ZSCAN29: variants seen among roughly 807,000 people sequenced by gnomAD.
ZSCAN29 encodes the protein zinc finger and SCAN domain containing 29.
ZSCAN29 carries 55 observed loss-of-function variants against 71.9 expected under a neutral mutation model. The ratio of observed to expected loss-of-function variants is 0.76; its 90% confidence interval spans 0.62 to 0.96. The LOEUF (loss-of-function observed/expected upper bound fraction) is 0.96, where lower values mean the gene tolerates loss of function less well. Among genes scored for constraint, ZSCAN29 ranks in the 40% least tolerant of loss-of-function variants. The probability of loss-of-function intolerance (pLI) is 0.00; values close to 1 mark genes in which losing one functional copy is unlikely to be tolerated. For synonymous variants in ZSCAN29, 351 were observed against 371.6 expected (o/e 0.94, Z 0.64); for missense variants, 1,042 against 1,042.2 (o/e 1.00, Z 0.00).
In ZSCAN29 at chr15:43,363,972, C is replaced by T; in HGVS notation, c.1633G>A (p.Glu545Lys). 6.2e-7 allele frequency: 1 copy of T among 1,614,146 alleles called. No homozygotes were observed. The highest frequency in any genetic ancestry group is 1.1e-5 in the South Asian group (1 of 91,074). ...GTTATGACAGCCCCTGGGGGTATCT[C>T]AGTATCCTCTTCATCATCATCAGAA... ...EDSDDDEEDT[E>K]IPPGAVITRA... is the part of the protein sequence containing the mutation. The change falls in exon 5 of 6, where the codon GAG becomes AAG. Residue 545 changes from glutamate (E) to lysine (K), a missense_variant. Transcript: ENST00000684362.
chr15:43,362,283 G>A (rs1001898643), intron 5 of ZSCAN29, among the ~76,000 whole-genome samples: 4 of 151,966 alleles, frequency 2.6e-5, no homozygotes, highest in East Asian at 3.9e-4. Flanking sequence ...TTTCTAATAC[G>A]TATTTTTGCC....
chr15:43,361,909 A>C lies in ZSCAN29; in HGVS notation c.1723T>G (p.Ser575Ala). The part of the protein sequence containing the change: ...FEAGFENEDN[S>A]KRDISEEVQL... Reference sequence around the variant, plus strand: ...ACTTCCTCAGAAATATCCCGTTTTGAATTATCTTCATTCTCAAATCCAGCT... The same window carrying C: ...ACTTCCTCAGAAATATCCCGTTTTGCATTATCTTCATTCTCAAATCCAGCT... The change falls in exon 6 of 6, where the codon TCA becomes GCA. Residue 575 changes from serine (S) to alanine (A), a missense_variant. Physicochemically the swap from Ser to Ala is moderately conservative, Grantham distance 99 (BLOSUM62 1). Transcript: ENST00000684362. 2 of 1,612,152 alleles carry C rather than the reference A, an allele frequency of 1.2e-6. No homozygotes were observed. Among genetic ancestry groups the C allele is most frequent in the Non-Finnish European group, 1.7e-6 (2 of 1,178,948 alleles).
Position 43,360,927 on chromosome 15 carries a change from G to A in ZSCAN29, c.*146C>T. ...CCTTGGGGATTTGAGTCTAGATCAGGAAAAACAAGGAACAAACAGTGGCAT... is the reference window on the plus strand; with the variant it reads ...CCTTGGGGATTTGAGTCTAGATCAGAAAAAACAAGGAACAAACAGTGGCAT... On this transcript the variant is annotated 3_prime_UTR_variant, in exon 6 of 6. Transcript: ENST00000684362. 1 of 1,169,542 alleles carries A rather than the reference G, an allele frequency of 8.6e-7. No homozygotes were observed. Among genetic ancestry groups the A allele is most frequent in the Non-Finnish European group, 1.2e-6 (1 of 837,180 alleles). The allele number at this position is 1,169,542 out of a possible 1,614,324, so 72.4% of individuals were successfully genotyped here. A position where few individuals can be genotyped will look rare whatever the true frequency, so the allele number is the denominator to read the frequency against.
chr15:43,363,212 C>G (rs1247598426), intron 5 of ZSCAN29, among the ~76,000 whole-genome samples: 1 of 152,278 alleles, frequency 6.6e-6, no homozygotes, highest in East Asian at 1.9e-4. Context: ...CTCCCGACCT[C>G]AGGTGATCTG....
chr15:43,366,942 A>C (rs2044046041), intron 3 of ZSCAN29, 134 bp from the exon 4 acceptor site: 1 of 822,136 alleles, frequency 1.2e-6, no homozygotes, highest in Middle Eastern at 2.5e-4. Flanking sequence ...CAGAAAGTTC[A>C]GTGGGCTGAA....
intron 3 of ZSCAN29, among the ~76,000 whole-genome samples, chr15:43,367,771 T>G (rs1275458789): frequency 6.6e-6 from 1 of 152,214 alleles, no homozygotes; most frequent in Non-Finnish European, 1.5e-5. Flanking sequence ...TGATGAACTC[T>G]GCAAGTCTGT....
At chr15:43,369,190 G>A in intron 2 of ZSCAN29, 63 bp from the exon 3 acceptor site, 1 of 1,467,612 alleles carries the variant, frequency 6.8e-7, no homozygotes, top group South Asian at 1.4e-5. Context: ...CCAGAGGAGA[G>A]TATTTAATAC....
Position 43,364,140 on chromosome 15 carries a change from C to T in ZSCAN29, c.1465G>A (p.Glu489Lys). ...QAPETCPFFE[E>K]MDALVSVRVA... is the part of the protein sequence containing the mutation. ...CGGACACTCACCAAAGCATCCATCT[C>T]TTCAAAGAAGGGACAGGTCTCTGGT... The change falls in exon 5 of 6, where the codon GAG becomes AAG. Residue 489 changes from glutamate (E) to lysine (K), a missense_variant. By Grantham distance (56) the Glu-to-Lys change is moderately conservative. Coordinates refer to ENST00000684362, the MANE Select transcript of ZSCAN29 (RefSeq NM_001372080.1). The T allele has an allele frequency of 6.2e-7, 1 of 1,614,196 alleles. No homozygotes were observed. Among genetic ancestry groups the T allele is most frequent in the South Asian group, 1.1e-5 (1 of 91,084 alleles).
intron 4 of ZSCAN29, 62 bp downstream of exon 4, chr15:43,366,048 C>T (rs2044032281): frequency 6.6e-7 from 1 of 1,508,638 alleles, no homozygotes; most frequent in Non-Finnish European, 8.9e-7. Context: ...CTTCTGACTC[C>T]ACATCCAGTC....
In ZSCAN29 at chr15:43,358,855, A is replaced by G. The variant is rs1423522352; in HGVS notation, c.*2218T>C. 4 of 152,282 alleles carry G rather than the reference A, an allele frequency of 2.6e-5. No homozygotes were observed. In the East Asian group the frequency reaches 5.8e-4, roughly 22 times the overall value. 9.4% of individuals were successfully genotyped at this position (152,282 alleles called of 1,614,324 possible). On this transcript the variant is annotated 3_prime_UTR_variant, in exon 6 of 6. Coordinates refer to ENST00000684362, the MANE Select transcript of ZSCAN29 (RefSeq NM_001372080.1). ...CTGATTTACTATAGATGATGGTTCT[A>G]CCACCTCATGGTCTGCTCCTAACAC...
chr15:43,369,351 A>G lies in ZSCAN29; in HGVS notation c.319-224T>C, dbSNP rs2044072961. ...AAATAGTAAACCCACCTTCAGGCTG[A>G]AAAAAAAAAATCCCCTTTCTTCCCT... On this transcript the variant is annotated intron_variant, in intron 2 of 5. Coordinates refer to ENST00000684362, the MANE Select transcript of ZSCAN29 (RefSeq NM_001372080.1). 7.7e-6 allele frequency: 3 copies of G among 391,588 alleles called. No homozygotes were observed. In the East Asian group the frequency reaches 1.4e-4, roughly 19 times the overall value. 24.3% of individuals were successfully genotyped at this position (391,588 alleles called of 1,614,324 possible).
intron 4 of ZSCAN29, among the ~76,000 whole-genome samples, chr15:43,364,858 G>A (rs1343956945): frequency 7.8e-6 from 1 of 128,724 alleles, no homozygotes; most frequent in Admixed American, 9.2e-5. Context: ...TCACACCACT[G>A]CACTCCAGCC....
intron 3 of ZSCAN29, 147 bp from the exon 4 acceptor site, chr15:43,366,955 A>T: frequency 2.7e-6 from 2 of 736,158 alleles, no homozygotes; most frequent in South Asian, 3.9e-5. Flanking sequence ...GGGCTGAAAA[A>T]GGTGGGGAAA....
rs751487745 is a variant in ZSCAN29, at chr15:43,366,820, GAAAC to G, written c.524-16_524-13del. ...AGGAAATGGCAATCCTGCTTGCAGG[GAAAC>G]AAACAAAAGTTGTCATAGTTTGGAC... On this transcript the variant is annotated splice_polypyrimidine_tract_variant and intron_variant, in intron 3 of 5. Coordinates refer to ENST00000684362, the MANE Select transcript of ZSCAN29 (RefSeq NM_001372080.1). 7.0e-5 allele frequency: 112 copies of G among 1,594,564 alleles called. 1 individual carries two copies. The highest frequency in any genetic ancestry group is 5.6e-4 in the East Asian group (25 of 44,746).
chr15:43,369,507 CTG>C (rs1308537647), intron 2 of ZSCAN29, 87 bp downstream of exon 2: 26 of 1,402,296 alleles, frequency 1.9e-5, no homozygotes, highest in Non-Finnish European at 2.4e-5. Flanking sequence ...CCAAGGGAGA[CTG>C]TGTCCCTCTT....
chr15:43,365,963 G>T, intron 4 of ZSCAN29, 147 bp downstream of exon 4: 1 of 719,460 alleles, frequency 1.4e-6, no homozygotes. Flanking sequence ...CCATAAAAGA[G>T]AATGAAATAC....
At chr15:43,366,078 A>G in intron 4 of ZSCAN29, 32 bp downstream of exon 4, 1 of 1,559,382 alleles carries the variant, frequency 6.4e-7, no homozygotes, top group Non-Finnish European at 8.7e-7. Context: ...CCCAAGTCTA[A>G]TTCCAAAACT....
chr15:43,370,191 G>A, intron 1 of ZSCAN29, 166 bp from the exon 2 acceptor site: 1 of 393,786 alleles, frequency 2.5e-6, no homozygotes, highest in South Asian at 3.5e-5. Context: ...TTCCAGGGCA[G>A]CCCCAGGAAG....
At position 43,366,625 on chromosome 15, in the gene ZSCAN29, C is replaced by T. The variant is rs746356675; in HGVS notation, c.707G>A (p.Trp236Ter). ...DRRSWVEQDHWSFEDEKVAGV... is the reference protein window; with the variant it reads ...DRRSWVEQDH ...TGCCACCTTCTCATCTTCAAAGCTC[C>T]AGTGATCCTGTTCCACCCAGCTTCT... is the stretch of plus-strand genomic sequence containing the variant. The change falls in exon 4 of 6, where the codon TGG (tryptophan) becomes TAG (stop). Residue 236 changes from tryptophan to a stop codon, truncating the protein, a stop_gained. Transcript: ENST00000684362. LOFTEE classifies it high-confidence loss of function. 2 of 1,614,186 alleles carry T rather than the reference C, an allele frequency of 1.2e-6. No homozygotes were observed. Among genetic ancestry groups the T allele is most frequent in the Non-Finnish European group, 1.7e-6 (2 of 1,180,036 alleles).
Sources: gnomAD v4.1 joint callset for allele counts (sites outside exome capture counted in the v4.1 genomes callset) on GRCh38, gnomAD v4.1.1 for gene constraint, MANE v1.5 for transcripts, NCBI Gene and HGNC (gene_info 2026-07-23, HGNC 2026-07-21) for gene names.